Variants in CFDP1 observed in about 807,000 individuals in gnomAD.
CFDP1 encodes the protein chromatin remodeling protein CFDP1, also known as heterochromatin-stabilizing protein CFDP1.
Under a neutral mutation model 40.1 loss-of-function variants are expected in CFDP1, and 31 were observed. The ratio of observed to expected loss-of-function variants is 0.77; its 90% CI spans 0.58 to 1.04. The LOEUF is 1.04. Ranked by LOEUF, CFDP1 falls within the 50% of genes least tolerant of loss-of-function variation. CFDP1 has a pLI of 0.00. For synonymous variants in CFDP1, 167 were observed against 120.0 expected, an observed-to-expected ratio of 1.39 and a Z score of -2.56; for missense variants, 423 against 343.4, an observed-to-expected ratio of 1.23 and a Z score of -1.83.
intron 5 of CFDP1, among the ~76,000 whole-genome samples, chr16:75,344,363 G>A (rs1468753246): frequency 6.6e-6 from 1 of 152,154 alleles, no homozygotes; most frequent in Non-Finnish European, 1.5e-5. Flanking sequence ...TTTCACCACA[G>A]TAAGAAAACA....
rs568463720 is a variant in CFDP1 at position 75,370,867 on chromosome 16, T to A, written c.650+24223A>T. Among the ~76,000 whole-genome samples, 11 of 152,094 alleles carry A rather than the reference T, an allele frequency of 7.2e-5. No homozygotes were observed. The East Asian group carries it at 2.1e-3, about 29-fold the overall frequency. ...ACAGAGCAAGACTGTCTCAAAAATTTAAAAAAAGAATTAAAAAAAACTTAA... is the reference window on the plus strand; with the variant it reads ...ACAGAGCAAGACTGTCTCAAAAATTAAAAAAAAGAATTAAAAAAAACTTAA... On this transcript the variant is annotated intron_variant, in intron 5 of 6. Coordinates refer to ENST00000283882, the MANE Select transcript of CFDP1 (RefSeq NM_006324.3).
At position 75,412,554 on chromosome 16, in the gene CFDP1, G is replaced by T; in HGVS notation, c.383C>A (p.Pro128His). Residue 128 changes from proline (P) to histidine (H), a missense_variant, in exon 3 of 7, where the codon CCC (proline) becomes CAC (histidine). By Grantham distance (77) the Pro-to-His change is moderately conservative. Transcript: ENST00000283882. The stretch of plus-strand genomic sequence containing the variant: ...ACTTACCTTAACTTGTGTACTTGGG[G>T]GCACTTTTGATTTTGGTCCCACATC... ...LNDVGPKSKV[P>H]PSTQVKKGEE... 1 of 1,613,868 alleles carries T rather than the reference G, an allele frequency of 6.2e-7. No individual in the cohort carries two copies. Among genetic ancestry groups the T allele is most frequent in the Non-Finnish European group, 8.5e-7 (1 of 1,179,818 alleles).
At chr16:75,329,824 C>T (rs2078432230) in intron 5 of CFDP1, among the ~76,000 whole-genome samples, 1 of 152,188 alleles carries the variant, frequency 6.6e-6, no homozygotes, top group South Asian at 2.1e-4. Flanking sequence ...GTCTTACATT[C>T]TTACTCAGTG....
rs1371704811 is a variant in CFDP1, at chr16:75,294,890, A to G, written c.810-848T>C. On this transcript the variant is annotated intron_variant, in intron 6 of 6. Transcript: ENST00000283882. The stretch of plus-strand genomic sequence containing the variant: ...GGGAAAGCAGCAAGGGCTGAAGCAC[A>G]GGCGCGCTTGCTAGGAGTGAGGCTG... Among the ~76,000 whole-genome samples, 3 of 152,338 alleles carry G rather than the reference A, an allele frequency of 2.0e-5. No individual in the cohort carries two copies. In the East Asian group the frequency reaches 5.8e-4, roughly 29 times the overall value.
At chr16:75,317,394 G>A (rs1305815952) in intron 5 of CFDP1, among the ~76,000 whole-genome samples, 1 of 152,192 alleles carries the variant, frequency 6.6e-6, no homozygotes, top group African/African-American at 2.4e-5. Flanking sequence ...TGGTGGGGGA[G>A]TCCTGGCAAA....
intron 4 of CFDP1, among the ~76,000 whole-genome samples, chr16:75,399,221 C>T (rs976425312): frequency 1.3e-5 from 2 of 152,150 alleles, no homozygotes; most frequent in Admixed American, 1.3e-4. Flanking sequence ...TTTAAAGCCA[C>T]TAAATTTTGA....
At chr16:75,307,732 T>C (rs898931735) in intron 5 of CFDP1, among the ~76,000 whole-genome samples, 1 of 152,070 alleles carries the variant, frequency 6.6e-6, no homozygotes, top group Admixed American at 6.5e-5. Context: ...CTATCTTTTT[T>C]ATGTTTTGTA....
intron 5 of CFDP1, among the ~76,000 whole-genome samples, chr16:75,347,806 G>C (rs762218630): frequency 6.6e-6 from 1 of 152,192 alleles, no homozygotes; most frequent in Admixed American, 6.5e-5. Flanking sequence ...ACTGATATAT[G>C]AGAAAAGGAC....
intron 6 of CFDP1, among the ~76,000 whole-genome samples, chr16:75,297,436 G>A (rs1205704129): frequency 6.6e-6 from 1 of 152,092 alleles, no homozygotes; most frequent in Non-Finnish European, 1.5e-5. Context: ...CATTAGAAAG[G>A]CCACCTCCTC....
chr16:75,349,344 C>A (rs1162747254), intron 5 of CFDP1, among the ~76,000 whole-genome samples: 1 of 151,338 alleles, frequency 6.6e-6, no homozygotes, highest in Non-Finnish European at 1.5e-5. Flanking sequence ...CTCCCATCTC[C>A]ACTAAAAATA....
intron 5 of CFDP1, 51 bp from the exon 6 acceptor site, chr16:75,305,233 T>G (rs7192981): frequency 0.97 from 1,529,557 of 1,578,060 alleles, 741,430 homozygotes; most frequent in East Asian, 1. Context: ...CTGATCTCTA[T>G]ATTAACAGTT....
At chr16:75,361,214 T>C (rs2078677321) in intron 5 of CFDP1, among the ~76,000 whole-genome samples, 1 of 152,198 alleles carries the variant, frequency 6.6e-6, no homozygotes, top group African/African-American at 2.4e-5. Context: ...TTTTGCCATG[T>C]TGGCCAGGCT....
chr16:75,348,717 C>T (rs2078587479), intron 5 of CFDP1, among the ~76,000 whole-genome samples: 1 of 152,096 alleles, frequency 6.6e-6, no homozygotes, highest in Non-Finnish European at 1.5e-5. Context: ...GCCATATTAT[C>T]TTTCAATCCA....
Position 75,347,635 on chromosome 16 carries a change from C to T in CFDP1, c.651-42453G>A, listed in dbSNP as rs553041175. On this transcript the variant is annotated intron_variant, in intron 5 of 6. Coordinates refer to ENST00000283882, the MANE Select transcript of CFDP1 (RefSeq NM_006324.3). ...CGGAGGTTGCAGTGAGCTGAGATCG[C>T]GCCACTGCACTCCAGCCTGGGTGAA... Among the ~76,000 whole-genome samples the T allele has an allele frequency of 5.9e-5, 9 of 151,862 alleles. No individual in the cohort carries two copies. The South Asian group carries it at 1.7e-3, about 28-fold the overall frequency.
chr16:75,359,296 T>G (rs1218959698), intron 5 of CFDP1, among the ~76,000 whole-genome samples: 1 of 152,162 alleles, frequency 6.6e-6, no homozygotes, highest in African/African-American at 2.4e-5. Context: ...AAAGAGGTCC[T>G]GAGAACAAAA....
chr16:75,400,101 CA>C (rs71276627), intron 4 of CFDP1, among the ~76,000 whole-genome samples: 1,835 of 59,288 alleles, frequency 0.031, 20 homozygotes, highest in African/African-American at 0.086. Context: ...AACTCCATCT[CA>C]AAAAAAAAAA....
chr16:75,379,824 T>G (rs1175022321), intron 5 of CFDP1: 1 of 152,154 alleles, frequency 6.6e-6, no homozygotes, highest in Non-Finnish European at 1.5e-5. Flanking sequence ...AATTAAAGGT[T>G]TATTTATTTA....
chr16:75,327,480 G>C (rs2078411065), intron 5 of CFDP1, among the ~76,000 whole-genome samples: 1 of 152,012 alleles, frequency 6.6e-6, no homozygotes, highest in Non-Finnish European at 1.5e-5. Flanking sequence ...TGAAGGATGG[G>C]ACTGACAAAT....
At chr16:75,384,900 T>TATATATATATATA (rs1567665491) in intron 5 of CFDP1, among the ~76,000 whole-genome samples, 1 of 113,100 alleles carries the variant, frequency 8.8e-6, no homozygotes, top group African/African-American at 3.7e-5. Flanking sequence ...ATATATATAT[T>TATATATATATATA]GCAGACCAGT....
Sources: allele counts gnomAD v4.1 joint callset (sites outside exome capture counted in the v4.1 genomes callset), GRCh38; gene constraint gnomAD v4.1.1; transcripts MANE v1.5; gene names NCBI Gene and HGNC (gene_info 2026-07-23, HGNC 2026-07-21).